Variants in PSD3 observed in about 807,000 individuals in gnomAD.
PSD3 encodes the protein pleckstrin and Sec7 domain containing 3, also known as PH and SEC7 domain-containing protein 3.
In PSD3, 49 loss-of-function variants were observed where a neutral mutation model predicts 105.5. The ratio of observed to expected loss-of-function variants is 0.46; its 90% CI spans 0.37 to 0.59. The LOEUF (loss-of-function observed/expected upper bound fraction) is 0.59. PSD3 is among the 20% of genes least tolerant of loss of function. The probability of loss-of-function intolerance (pLI) is 0.00; values close to 1 mark genes in which losing one functional copy is unlikely to be tolerated. For synonymous variants in PSD3, 557 were observed against 457.8 expected (o/e 1.22, Z -2.77); for missense variants, 1,561 against 1,263.8 (o/e 1.24, Z -3.57).
At chr8:18,579,696 A>G (rs2717717) in intron 12 of PSD3, among the ~76,000 whole-genome samples, 72,171 of 152,056 alleles carry the variant, frequency 0.47, 17,379 homozygotes, top group South Asian at 0.6. Flanking sequence ...CTACATATGT[A>G]CAAAAAATTG....
chr8:18,590,172 A>T (rs565546759), intron 12 of PSD3, among the ~76,000 whole-genome samples: 1 of 152,366 alleles, frequency 6.6e-6, no homozygotes, highest in South Asian at 2.1e-4. Context: ...TCAATCTCAT[A>T]TATGGCATTA....
chr8:18,892,916 T>C (rs2129459798), intron 2 of PSD3, among the ~76,000 whole-genome samples: 1 of 152,300 alleles, frequency 6.6e-6, no homozygotes, highest in Non-Finnish European at 1.5e-5. Flanking sequence ...TGAGCAACCG[T>C]GCCCAGCCCC....
chr8:18,630,661 C>T (rs546780049), intron 11 of PSD3, among the ~76,000 whole-genome samples: 2 of 149,418 alleles, frequency 1.3e-5, no homozygotes, highest in Non-Finnish European at 3.0e-5. Context: ...TGAAATTATT[C>T]TTTTTTTTTT....
chr8:18,803,832 G>A (rs35764685), intron 6 of PSD3, among the ~76,000 whole-genome samples: 21,534 of 152,028 alleles, frequency 0.14, 1,625 homozygotes, highest in East Asian at 0.28. Context: ...AGTTTTACAA[G>A]AAGAGAATCA....
chr8:18,627,820 C>A (rs1452414911), intron 11 of PSD3, among the ~76,000 whole-genome samples: 5 of 148,530 alleles, frequency 3.4e-5, no homozygotes, highest in African/African-American at 1.2e-4. Flanking sequence ...AAAAAAAAAC[C>A]AACTATGACT....
In PSD3 at chr8:18,646,836, A is replaced by G. The variant is rs1302871046; in HGVS notation, c.2216+8806T>C. Reference sequence around the variant, plus strand: ...AAGTAAAATATGATAAGGGAACCAAATAATGAAAGTAAAAGAGCCCTAGAA... The same window carrying G: ...AAGTAAAATATGATAAGGGAACCAAGTAATGAAAGTAAAAGAGCCCTAGAA... On this transcript the variant is annotated intron_variant, in intron 10 of 15. Transcript: ENST00000327040. Among the ~76,000 whole-genome samples the G allele has an allele frequency of 2.0e-5, 3 of 152,206 alleles. No individual in the cohort carries two copies. In the East Asian group the frequency reaches 5.8e-4, roughly 29 times the overall value.
chr8:19,021,105 C>T (rs4244450), intron 1 of PSD3, among the ~76,000 whole-genome samples: 1 of 152,090 alleles, frequency 6.6e-6, no homozygotes, highest in Non-Finnish European at 1.5e-5. Flanking sequence ...CTAATGCACT[C>T]CAATGCTCAG....
chr8:18,548,964 T>G (rs1354775829), intron 15 of PSD3, among the ~76,000 whole-genome samples: 1 of 152,048 alleles, frequency 6.6e-6, no homozygotes, highest in Non-Finnish European at 1.5e-5. Context: ...ATATTCTGAG[T>G]GGGATGTCAA....
chr8:18,907,118 T>TA (rs1348355217), intron 2 of PSD3, among the ~76,000 whole-genome samples: 1 of 152,220 alleles, frequency 6.6e-6, no homozygotes, highest in Non-Finnish European at 1.5e-5. Flanking sequence ...GTAAAATAGT[T>TA]ACAGTAATCT....
upstream of PSD3, among the ~76,000 whole-genome samples, chr8:19,018,394 A>AGGT (rs1827242247): frequency 6.6e-6 from 1 of 152,066 alleles, no homozygotes; most frequent in African/African-American, 2.4e-5. Flanking sequence ...GATCTTCCTA[A>AGGT]GGTGATGCAG....
rs371161986 is a variant in PSD3, at chr8:18,843,230, A to G, written c.1634+24444T>C. On this transcript the variant is annotated intron_variant, in intron 4 of 15. Coordinates refer to ENST00000327040, the MANE Select transcript of PSD3 (RefSeq NM_015310.4). ...AAAAAAATTAGCCAGGTGCGGTGGC[A>G]GGCGCCTGTAGTCCCAGCTATTCGG... is the stretch of plus-strand genomic sequence containing the variant. Among the ~76,000 whole-genome samples the G allele has an allele frequency of 6.1e-4, 92 of 151,738 alleles. No individual in the cohort carries two copies. The East Asian group carries it at 0.017, about 28-fold the overall frequency.
At chr8:18,893,629 G>A (rs1044243537) in intron 2 of PSD3, among the ~76,000 whole-genome samples, 1 of 151,988 alleles carries the variant, frequency 6.6e-6, no homozygotes, top group African/African-American at 2.4e-5. Context: ...GGGCAGGGAA[G>A]CAGGATCGGA....
At chr8:18,646,727 C>T (rs1484760951) in intron 10 of PSD3, among the ~76,000 whole-genome samples, 1 of 151,826 alleles carries the variant, frequency 6.6e-6, no homozygotes, top group Admixed American at 6.6e-5. Flanking sequence ...ATGAGATTAC[C>T]AACTCTCACA....
intron 2 of PSD3, among the ~76,000 whole-genome samples, chr8:18,900,092 T>C (rs1819406787): frequency 6.6e-6 from 1 of 152,206 alleles, no homozygotes; most frequent in African/African-American, 2.4e-5. Context: ...ACTTGTCTAC[T>C]GCTTCTTGGC....
chr8:18,669,712 T>C (rs1247203557), intron 9 of PSD3, among the ~76,000 whole-genome samples: 1 of 152,224 alleles, frequency 6.6e-6, no homozygotes, highest in African/African-American at 2.4e-5. Flanking sequence ...CCTTTTAATG[T>C]TTTTGGACGA....
intron 1 of PSD3, among the ~76,000 whole-genome samples, chr8:19,043,976 T>G (rs745856321): frequency 6.6e-6 from 1 of 152,168 alleles, no homozygotes; most frequent in Admixed American, 6.5e-5. Flanking sequence ...TGAGCAGCAA[T>G]CCCAGCCCCA....
intron 2 of PSD3, chr8:18,924,816 GA>G (rs1455886449): frequency 1.3e-5 from 2 of 151,892 alleles, no homozygotes; most frequent in Non-Finnish European, 2.9e-5. Flanking sequence ...GCACTAAAAA[GA>G]AAAAATAACT....
chr8:18,752,642 A>AATATATTATATATAATATATATAAT (rs1805695584), intron 9 of PSD3, among the ~76,000 whole-genome samples: 1 of 89,304 alleles, frequency 1.1e-5, no homozygotes, highest in African/African-American at 5.8e-5. Context: ...TAATATATAT[A>AATATATTATATATAATATATATAAT]ATATATATAA....
chr8:19,067,714 T>C (rs1178129424), intron 1 of PSD3, among the ~76,000 whole-genome samples: 1 of 152,114 alleles, frequency 6.6e-6, no homozygotes, highest in Non-Finnish European at 1.5e-5. Context: ...CAGGGGTCAA[T>C]GAAGCAGGCA....
Sources: allele counts gnomAD v4.1 joint callset (sites outside exome capture counted in the v4.1 genomes callset), GRCh38; gene constraint gnomAD v4.1.1; transcripts MANE v1.5; gene names NCBI Gene and HGNC (gene_info 2026-07-23, HGNC 2026-07-21).